The following PER2 variants were observed in gnomAD, a reference collection of about 807,000 sequenced individuals.
PER2 encodes period circadian regulator 2, also known as period circadian protein homolog 2.
A neutral mutation model predicts 121.0 loss-of-function variants in PER2; 66 were observed. The observed-to-expected ratio is 0.55, with a 90% CI of 0.45 to 0.67. PER2 has a LOEUF of 0.67. PER2 is among the 30% of genes least tolerant of loss of function. The pLI is 0.00. For missense variants in PER2, 1,521 were observed against 1,635.0 expected, an observed-to-expected ratio of 0.93 and a Z score of 1.20; for synonymous variants, 684 against 659.9, an observed-to-expected ratio of 1.04 and a Z score of -0.56.
chr2:238,260,317 C>T (rs543831443), intron 13 of PER2, among the ~76,000 whole-genome samples: 4 of 151,368 alleles, frequency 2.6e-5, no homozygotes, highest in Admixed American at 6.6e-5. Context: ...AGTGCAGTGG[C>T]GCAATCTTGT....
At chr2:238,269,058 G>T in intron 6 of PER2, 84 bp from the exon 7 acceptor site, 1 of 1,049,310 alleles carries the variant, frequency 9.5e-7, no homozygotes, top group Non-Finnish European at 1.5e-6. Context: ...AAGAGGAGCA[G>T]CAGAATCAAG....
At chr2:238,272,975 C>A (rs1316315136) in intron 5 of PER2, 95 bp downstream of exon 5, 15 of 1,148,490 alleles carry the variant, frequency 1.3e-5, no homozygotes, top group Non-Finnish European at 4.0e-6. Flanking sequence ...CCCAAACACT[C>A]CTGCCTTACA....
In PER2 at chr2:238,246,373, G is replaced by A. The variant is rs781492589; in HGVS notation, c.*2C>T. The A allele has an allele frequency of 1.2e-6, 2 of 1,603,300 alleles. No individual in the cohort carries two copies. The highest frequency in any genetic ancestry group is 1.7e-6 in the Non-Finnish European group (2 of 1,173,388). Reference sequence around the variant, plus strand: ...GGCTGCCGGGCTGAGGTGGGGCAGGGGTTACGTCTGCTCTTCGATCCTGTG... The same window carrying A: ...GGCTGCCGGGCTGAGGTGGGGCAGGAGTTACGTCTGCTCTTCGATCCTGTG... On this transcript the variant is annotated 3_prime_UTR_variant, in exon 23 of 23. Coordinates refer to ENST00000254657, the MANE Select transcript of PER2 (RefSeq NM_022817.3).
In PER2 at chr2:238,263,021, T is replaced by G; in HGVS notation, c.1084A>C (p.Ile362Leu). 6.2e-7 allele frequency: 1 copy of G among 1,613,984 alleles called. No homozygotes were observed. The highest frequency in any genetic ancestry group is 8.5e-7 in the Non-Finnish European group (1 of 1,179,906). The change falls in exon 10 of 23, where the codon ATT becomes CTT. Residue 362 changes from isoleucine (I) to leucine (L), a missense_variant. Ile to Leu is a conservative substitution (Grantham distance 5). Transcript: ENST00000254657. ...AGCTGCACGAGCACTGGGGTTTCAA[T>G]CAGGTCCTGAGGTAGGTAGCCCAGG... ...PLLGYLPQDL[I>L]ETPVLVQLHP... is the part of the protein sequence containing the mutation.
chr2:238,261,969 C>T, intron 11 of PER2, 132 bp from the exon 12 acceptor site: 1 of 736,492 alleles, frequency 1.4e-6, no homozygotes, highest in Non-Finnish European at 2.3e-6. Context: ...CAGGCTGCTG[C>T]CTGTCCACTC....
Position 238,260,971 on chromosome 2 carries a change from A to G in PER2, c.1417-18T>C. The stretch of plus-strand genomic sequence containing the variant: ...GGGACGGGCTGGGGAGACAGCAGAC[A>G]GCGCTACAGACACAGCCAGGGCTGC... On this transcript the variant is annotated intron_variant, in intron 12 of 22. Transcript: ENST00000254657. 1 of 1,610,352 alleles carries G rather than the reference A, an allele frequency of 6.2e-7. No homozygotes were observed.
chr2:238,265,488 A>AG, intron 9 of PER2, 24 bp downstream of exon 9: 1 of 1,470,148 alleles, frequency 6.8e-7, no homozygotes, highest in Non-Finnish European at 9.5e-7. Context: ...AACATGAAAA[A>AG]GGGGGTGGGT....
intron 13 of PER2, 24 bp from the exon 14 acceptor site, chr2:238,260,077 CATT>C (rs1319885473): frequency 1.9e-6 from 2 of 1,046,776 alleles, no homozygotes; most frequent in Middle Eastern, 2.1e-4. Context: ...AAAATGAACA[CATT>C]ATTCATTCTA....
chr2:238,271,233 C>T (rs1696273271), intron 6 of PER2, 79 bp downstream of exon 6: 2 of 1,286,650 alleles, frequency 1.6e-6, no homozygotes, highest in Non-Finnish European at 1.1e-6. Flanking sequence ...AGGGCGCCTG[C>T]ACCACATCTG....
chr2:238,252,351 G>C lies in PER2; in HGVS notation c.3111+561C>G, dbSNP rs1695628441. On this transcript the variant is annotated intron_variant, in intron 19 of 22. Transcript: ENST00000254657. The surrounding 1 kb of genome is among the most constrained non-coding windows in gnomAD (Gnocchi z 4.2). ...CCTGAGGCCTACGGACTGCACTGCT[G>C]CTGGCGTTCCCACACACTTGAGCTC... is the stretch of plus-strand genomic sequence containing the variant. Among the ~76,000 whole-genome samples, 1 of 152,234 alleles carries C rather than the reference G, an allele frequency of 6.6e-6. No individual in the cohort carries two copies. The highest frequency in any genetic ancestry group is 1.5e-5 in the Non-Finnish European group (1 of 68,046).
At chr2:238,266,065 A>C (rs10929273) in intron 8 of PER2, among the ~76,000 whole-genome samples, 2 of 151,574 alleles carry the variant, frequency 1.3e-5, no homozygotes, top group Non-Finnish European at 1.5e-5. Flanking sequence ...CACCACGCCC[A>C]GCTAATTTTT....
Position 238,258,415 on chromosome 2 carries a change from T to C in PER2, c.1776-15A>G, listed in dbSNP as rs1695826387. Reference sequence around the variant, plus strand: ...TCTCCAAGTACCTGTGTGAAAGGCATGAACCACTGGTGAGGCCACACAACA... The same window carrying C: ...TCTCCAAGTACCTGTGTGAAAGGCACGAACCACTGGTGAGGCCACACAACA... On this transcript the variant is annotated splice_polypyrimidine_tract_variant and intron_variant, in intron 15 of 22. Coordinates refer to ENST00000254657, the MANE Select transcript of PER2 (RefSeq NM_022817.3). 1.9e-6 allele frequency: 3 copies of C among 1,614,006 alleles called. No individual in the cohort carries two copies. Among genetic ancestry groups the C allele is most frequent in the Non-Finnish European group, 2.5e-6 (3 of 1,180,020 alleles).
intron 13 of PER2, among the ~76,000 whole-genome samples, chr2:238,260,287 T>C (rs562416294): frequency 6.6e-6 from 1 of 152,026 alleles, no homozygotes; most frequent in Non-Finnish European, 1.5e-5. Flanking sequence ...GACAGAGTCT[T>C]GCTCTGTCAC....
intron 16 of PER2, among the ~76,000 whole-genome samples, 187 bp from the exon 17 acceptor site, chr2:238,257,273 T>C (rs1004531704): frequency 6.6e-6 from 1 of 152,144 alleles, no homozygotes; most frequent in African/African-American, 2.4e-5. Context: ...CATAGAAGAA[T>C]AGTGGAAAAG....
intron 1 of PER2, among the ~76,000 whole-genome samples, chr2:238,286,682 A>G (rs1696799002): frequency 6.6e-6 from 1 of 152,166 alleles, no homozygotes. Context: ...AGGTAAAAGC[A>G]CACCCAGAGC....
chr2:238,269,029 CCTCATTT>C, intron 6 of PER2, 55 bp from the exon 7 acceptor site: 3 of 1,315,978 alleles, frequency 2.3e-6, no homozygotes, highest in Non-Finnish European at 3.3e-6. Flanking sequence ...ATACAGTGTT[CCTCATTT>C]CTCACAAACA....
In PER2 at chr2:238,274,375, C is replaced by T. The variant is rs529316086; in HGVS notation, c.449-1184G>A. ...GAGTCTGACCCAGGATTCTGCCACG[C>T]GTGTGCTTCCTGCAATGTGGTGAGG... On this transcript the variant is annotated intron_variant, in intron 4 of 22. Transcript: ENST00000254657. 1.3e-4 allele frequency among the ~76,000 whole-genome samples: 20 copies of T among 152,348 alleles called. No individual in the cohort carries two copies. The South Asian group carries it at 2.5e-3, about 19-fold the overall frequency.
At chr2:238,296,786 G>T in the PER2 span, among the ~76,000 whole-genome samples, 4 of 152,214 alleles carry the variant, frequency 2.6e-5, no homozygotes, top group South Asian at 4.1e-4. Context: ...CCCCAGGGGG[G>T]GTTCCCTGAG....
chr2:238,275,937 C>T (rs766818346), intron 3 of PER2, 40 bp from the exon 4 acceptor site: 1 of 1,611,708 alleles, frequency 6.2e-7, no homozygotes, highest in African/African-American at 1.3e-5. Context: ...TGTTAGCTTC[C>T]TAGGTGTCCT....
Sources: gnomAD v4.1 joint callset for allele counts (sites outside exome capture counted in the v4.1 genomes callset) on GRCh38, gnomAD v4.1.1 for gene constraint, Gnocchi (gnomAD v3.1) non-coding constraint, MANE v1.5 for transcripts, NCBI Gene and HGNC (gene_info 2026-07-23, HGNC 2026-07-21) for gene names.